The following RNGTT variants were observed in gnomAD, a reference collection of about 807,000 sequenced individuals.
RNGTT encodes the protein RNA guanylyltransferase and 5'-phosphatase, also known as mRNA-capping enzyme.
RNGTT carries 33 observed loss-of-function variants against 79.3 expected under a neutral mutation model. The ratio of observed to expected loss-of-function variants is 0.42; its 90% CI spans 0.32 to 0.56. RNGTT has a LOEUF of 0.56. RNGTT is among the 20% of genes least tolerant of loss of function. The pLI is 0.17. For synonymous variants in RNGTT, 222 were observed against 235.9 expected (o/e 0.94, Z 0.54); for missense variants, 497 against 739.1 (o/e 0.67, Z 3.80).
chr6:88,857,121 A>G (rs887957126), intron 8 of RNGTT, among the ~76,000 whole-genome samples: 1 of 152,138 alleles, frequency 6.6e-6, no homozygotes, highest in Non-Finnish European at 1.5e-5. Flanking sequence ...AAAACTGGAA[A>G]TAATCTTTCA....
chr6:88,787,661 A>G (rs76314787), intron 12 of RNGTT, among the ~76,000 whole-genome samples: 1 of 141,740 alleles, frequency 7.1e-6, no homozygotes, highest in African/African-American at 2.9e-5. Flanking sequence ...CTTCATTTCA[A>G]AAACAAAAAA....
At chr6:88,729,207 G>T (rs1278717546) in intron 13 of RNGTT, among the ~76,000 whole-genome samples, 10 of 152,148 alleles carry the variant, frequency 6.6e-5, no homozygotes, top group Non-Finnish European at 4.4e-5. Flanking sequence ...GAGACCTGAA[G>T]GGATGCAGTG....
intron 1 of RNGTT, among the ~76,000 whole-genome samples, chr6:88,961,323 A>ATGTGTG (rs537499568): frequency 6.6e-6 from 1 of 151,590 alleles, no homozygotes; most frequent in South Asian, 2.1e-4. Flanking sequence ...TTACGTCTGT[A>ATGTGTG]TGTGTGTGTG....
intron 1 of RNGTT, among the ~76,000 whole-genome samples, chr6:88,941,665 C>CTTT (rs776214733): frequency 5.6e-5 from 8 of 142,922 alleles, no homozygotes; most frequent in African/African-American, 1.3e-4. Context: ...TACCCTACAT[C>CTTT]TTTTTTTTTT....
At chr6:88,795,466 A>G (rs1195115569) in intron 12 of RNGTT, among the ~76,000 whole-genome samples, 1 of 152,252 alleles carries the variant, frequency 6.6e-6, no homozygotes, top group African/African-American at 2.4e-5. Flanking sequence ...GTTCTCACTT[A>G]TAAGTGGGAG....
intron 4 of RNGTT, among the ~76,000 whole-genome samples, chr6:88,926,901 G>GATTATATTT (rs1281048005): frequency 8.3e-4 from 127 of 152,280 alleles, no homozygotes; most frequent in African/African-American, 2.9e-3. Flanking sequence ...ACTATTTTCT[G>GATTATATTT]ATTATATTTT....
intron 13 of RNGTT, among the ~76,000 whole-genome samples, chr6:88,698,186 TATGA>T (rs1775783319): frequency 8.4e-6 from 1 of 119,656 alleles, no homozygotes; most frequent in Non-Finnish European, 1.6e-5. Context: ...ATGATATATA[TATGA>T]AATATATATG....
intron 14 of RNGTT, among the ~76,000 whole-genome samples, chr6:88,665,938 T>C (rs1406646705): frequency 6.6e-6 from 1 of 152,244 alleles, no homozygotes; most frequent in Non-Finnish European, 1.5e-5. Flanking sequence ...GCAGGTACGC[T>C]ACCTGGGATT....
At chr6:88,910,208 G>A (rs542915215) in intron 4 of RNGTT, among the ~76,000 whole-genome samples, 2 of 152,232 alleles carry the variant, frequency 1.3e-5, no homozygotes, top group Non-Finnish European at 1.5e-5. Context: ...AGACCCAAGA[G>A]AAGGTTGAAA....
intron 14 of RNGTT, among the ~76,000 whole-genome samples, chr6:88,646,556 T>A (rs1483891377): frequency 6.6e-6 from 1 of 152,182 alleles, no homozygotes; most frequent in Non-Finnish European, 1.5e-5. Flanking sequence ...ATGTTTATTG[T>A]GGCACTACTC....
intron 13 of RNGTT, among the ~76,000 whole-genome samples, chr6:88,761,815 C>A (rs1037369497): frequency 6.6e-6 from 1 of 152,010 alleles, no homozygotes; most frequent in Non-Finnish European, 1.5e-5. Context: ...AAGTGCTGAC[C>A]CTTGCTGTAA....
rs1562206088 is a variant in RNGTT at position 88,704,276 on chromosome 6, A to ACAAAAC, written c.1440-25858_1440-25857insGTTTTG. Among the ~76,000 whole-genome samples the ACAAAAC allele has an allele frequency of 4.3e-4, 63 of 147,570 alleles. 1 individual carries two copies. Among genetic ancestry groups the ACAAAAC allele is most frequent in the African/African-American group, 1.6e-3 (60 of 38,280 alleles). ...CTCTGTCTCAAAAAAAAAAAAAAAA[A>ACAAAAC]AAAAAAAAAAGACAGACTTCAATCC... On this transcript the variant is annotated intron_variant, in intron 13 of 15. Coordinates refer to ENST00000369485, the MANE Select transcript of RNGTT (RefSeq NM_003800.5).
intron 14 of RNGTT, among the ~76,000 whole-genome samples, chr6:88,632,013 T>C (rs6926439): frequency 0.12 from 18,533 of 151,966 alleles, 1,279 homozygotes; most frequent in Middle Eastern, 0.22. Flanking sequence ...CAAGCTAGAG[T>C]GGTGTGGGAC....
chr6:88,858,532 A>G (rs919483222), intron 8 of RNGTT, among the ~76,000 whole-genome samples: 1 of 152,220 alleles, frequency 6.6e-6, no homozygotes, highest in Non-Finnish European at 1.5e-5. Flanking sequence ...GGTTACACTT[A>G]CTGAGCAATT....
At chr6:88,900,148 T>G (rs1008369525) in intron 6 of RNGTT, among the ~76,000 whole-genome samples, 41 of 145,982 alleles carry the variant, frequency 2.8e-4, no homozygotes, top group African/African-American at 1.0e-3. Flanking sequence ...AAAAAAAAAC[T>G]ATAATTGACT....
rs186074056 is a variant in RNGTT at position 88,892,147 on chromosome 6, C to A, written c.685-232G>T. Among the ~76,000 whole-genome samples the A allele has an allele frequency of 1.4e-3, 216 of 152,162 alleles. 1 individual carries two copies. Among genetic ancestry groups the A allele is most frequent in the Middle Eastern group, 3.4e-3 (1 of 294 alleles). ...ATACGTATGTACTCTATAGGCACTT[C>A]TCAAATCATAACAGTAATAATAATT... On this transcript the variant is annotated intron_variant, in intron 6 of 15. Coordinates refer to ENST00000369485, the MANE Select transcript of RNGTT (RefSeq NM_003800.5).
intron 5 of RNGTT, among the ~76,000 whole-genome samples, chr6:88,905,447 T>C (rs1783621979): frequency 1.3e-5 from 2 of 152,350 alleles, no homozygotes; most frequent in East Asian, 1.9e-4. Flanking sequence ...AGAAAGTACA[T>C]GCAGTACAGA....
intron 13 of RNGTT, among the ~76,000 whole-genome samples, chr6:88,729,810 A>T (rs1309309158): frequency 6.6e-6 from 1 of 152,222 alleles, no homozygotes; most frequent in Admixed American, 6.5e-5. Context: ...GCAAGGTCTG[A>T]CTGCTCTGTC....
At chr6:88,962,262 C>T (rs1785655411) in intron 1 of RNGTT, among the ~76,000 whole-genome samples, 1 of 152,012 alleles carries the variant, frequency 6.6e-6, no homozygotes, top group Non-Finnish European at 1.5e-5. Flanking sequence ...CAAAATTTAT[C>T]AAACTGTACG....
Sources: allele counts gnomAD v4.1 joint callset (sites outside exome capture counted in the v4.1 genomes callset), GRCh38; gene constraint gnomAD v4.1.1; transcripts MANE v1.5; gene names NCBI Gene and HGNC (gene_info 2026-07-23, HGNC 2026-07-21).